The following LAMB4 variants were observed in gnomAD, a reference collection of about 807,000 sequenced individuals.
LAMB4 encodes laminin subunit beta-4.
Under a neutral mutation model 199.2 loss-of-function variants are expected in LAMB4, and 196 were observed. The ratio of observed to expected loss-of-function variants is 0.98; its 90% CI spans 0.88 to 1.11. LAMB4 has a LOEUF of 1.11. LAMB4 is among the 50% of genes least tolerant of loss of function. LAMB4 has a pLI of 0.00. For missense variants in LAMB4, 2,080 were observed against 2,171.2 expected (o/e 0.96, Z 0.83); for synonymous variants, 744 against 770.6 (o/e 0.97, Z 0.57).
chr7:108,055,675 A>G lies in LAMB4; in HGVS notation c.3712T>C (p.Ser1238Pro), dbSNP rs1394790873. 3.1e-6 allele frequency: 5 copies of G among 1,613,646 alleles called. No individual in the cohort carries two copies. The South Asian group carries it at 3.3e-5, about 11-fold the overall frequency. The change falls in exon 25 of 34, where the codon TCT (serine) becomes CCT (proline). Residue 1238 changes from serine (S) to proline (P), a missense_variant. By Grantham distance (74) the Ser-to-Pro change is moderately conservative. Transcript: ENST00000388781. ...ERILKHPVFP[S>P]GKFLKVKDYH... ...TCCTTGACTTTTAAGAATTTCCCAGATGGGAAAACAGGATGTTTCAAAATC... is the reference window on the plus strand; with the variant it reads ...TCCTTGACTTTTAAGAATTTCCCAGGTGGGAAAACAGGATGTTTCAAAATC...
chr7:108,048,094 T>C lies in LAMB4; in HGVS notation c.4140A>G (p.Gly1380=), dbSNP rs2035697151. 6.2e-7 allele frequency: 1 copy of C among 1,613,090 alleles called. No homozygotes were observed. The highest frequency in any genetic ancestry group is 8.5e-7 in the Non-Finnish European group (1 of 1,179,852). The change falls in exon 28 of 34, where the codon GGA becomes GGG. Residue 1380 remains glycine (G), a synonymous_variant. Coordinates refer to ENST00000388781, the MANE Select transcript of LAMB4 (RefSeq NM_007356.3). ...AGGGCAAGGGCACACATGGCACATT[T>C]CCTGGATCTCCGCACACCTTGCAAG... The part of the protein sequence containing the change: ...ILNEKVCGDP[G]NVPCVPLPCG...
chr7:108,057,618 A>G (rs1176970942), intron 24 of LAMB4, among the ~76,000 whole-genome samples: 2 of 152,226 alleles, frequency 1.3e-5, no homozygotes, highest in African/African-American at 2.4e-5. Flanking sequence ...GAATTTTAAT[A>G]TAGGCTAAAT....
At chr7:108,068,416 C>T (rs182587248) in intron 18 of LAMB4, among the ~76,000 whole-genome samples, 110 of 152,320 alleles carry the variant, frequency 7.2e-4, no homozygotes, top group African/African-American at 1.7e-3. Flanking sequence ...AGTTAACAGA[C>T]TTAAAATTGG....
chr7:108,046,030 T>TTA (rs2035607940), intron 28 of LAMB4, among the ~76,000 whole-genome samples: 1 of 152,062 alleles, frequency 6.6e-6, no homozygotes, highest in African/African-American at 2.4e-5. Flanking sequence ...CCAGATGTCC[T>TTA]TACATATATT....
At chr7:108,044,006 A>C (rs1373455987) in intron 28 of LAMB4, 110 bp from the exon 29 acceptor site, 1 of 872,298 alleles carries the variant, frequency 1.1e-6, no homozygotes, top group Middle Eastern at 2.7e-4. Context: ...ACTAAAAACT[A>C]AATAAAAGTC....
chr7:108,056,133 A>C, intron 24 of LAMB4, 126 bp from the exon 25 acceptor site: 1 of 816,726 alleles, frequency 1.2e-6, no homozygotes, highest in East Asian at 2.6e-5. Flanking sequence ...TGAATATTTA[A>C]AGCCAATATA....
chr7:108,092,264 T>A, intron 13 of LAMB4, 73 bp downstream of exon 13: 2 of 1,152,854 alleles, frequency 1.7e-6, no homozygotes, highest in Non-Finnish European at 2.6e-6. Flanking sequence ...CACCTATGAC[T>A]ATGAGCGTAT....
At chr7:108,052,586 T>G (rs191178186) in intron 25 of LAMB4, among the ~76,000 whole-genome samples, 125 of 152,300 alleles carry the variant, frequency 8.2e-4, no homozygotes, top group African/African-American at 2.9e-3. Flanking sequence ...TCAGACATGC[T>G]TCAATTAAAT....
At chr7:108,074,220 G>A (rs1417800205) in intron 17 of LAMB4, among the ~76,000 whole-genome samples, 1 of 152,060 alleles carries the variant, frequency 6.6e-6, no homozygotes, top group Non-Finnish European at 1.5e-5. Flanking sequence ...TAGGGAATCT[G>A]ACCTAAAACA....
intron 21 of LAMB4, 51 bp from the exon 22 acceptor site, chr7:108,064,036 G>T: frequency 7.8e-7 from 1 of 1,286,104 alleles, no homozygotes; most frequent in Non-Finnish European, 1.1e-6. Flanking sequence ...AGTGTTGGGA[G>T]AGAGGAGGAG....
At chr7:108,015,570 T>C in the LAMB4 span, among the ~76,000 whole-genome samples, 1 of 152,206 alleles carries the variant, frequency 6.6e-6, no homozygotes, top group African/African-American at 2.4e-5. Flanking sequence ...CATATACAAC[T>C]AGTGTTTCCA....
intron 14 of LAMB4, among the ~76,000 whole-genome samples, chr7:108,090,014 C>G (rs1464213332): frequency 6.6e-6 from 1 of 152,118 alleles, no homozygotes; most frequent in Admixed American, 6.5e-5. Context: ...CCAGTCTCCC[C>G]CAACCCCACT....
chr7:108,066,547 C>T lies in LAMB4; in HGVS notation c.2500G>A (p.Gly834Arg). 6.2e-7 allele frequency: 1 copy of T among 1,613,698 alleles called. No homozygotes were observed. Among genetic ancestry groups the T allele is most frequent in the South Asian group, 1.1e-5 (1 of 90,952 alleles). Residue 834 changes from glycine (G) to arginine (R), a missense_variant, in exon 20 of 34, where the codon GGA becomes AGA. Physicochemically the swap from Gly to Arg is moderately radical, Grantham distance 125. Transcript: ENST00000388781. ...ACCTCTCCATGGCAGGGGCACTGTC[C>T]TGTTACTTGGTCACATACAGTGTCC... ...SKDTVCDQVTGQCPCHGEVSG... is the reference protein window; with the variant it reads ...SKDTVCDQVTRQCPCHGEVSG...
chr7:108,102,607 C>T (rs2037853025), intron 10 of LAMB4, among the ~76,000 whole-genome samples: 1 of 152,084 alleles, frequency 6.6e-6, no homozygotes, highest in South Asian at 2.1e-4. Context: ...TTTGTACATG[C>T]TTGAAATATT....
Position 108,066,147 on chromosome 7 carries a change from T to C in LAMB4, c.2678+222A>G, listed in dbSNP as rs557620655. On this transcript the variant is annotated intron_variant, in intron 20 of 33. Coordinates refer to ENST00000388781, the MANE Select transcript of LAMB4 (RefSeq NM_007356.3). The stretch of plus-strand genomic sequence containing the variant: ...ATTTACATGTCACATTTGAGGAACA[T>C]AGAAAGTAACATGCCAGGCAAATGT... 9.9e-5 allele frequency among the ~76,000 whole-genome samples: 15 copies of C among 152,256 alleles called. No individual in the cohort carries two copies. The South Asian group carries it at 1.9e-3, about 19-fold the overall frequency.
rs772838269 is a variant in LAMB4 at position 108,078,197 on chromosome 7, A to G, written c.2003+4T>C. On this transcript the variant is annotated splice_donor_region_variant and intron_variant, in intron 16 of 33. Transcript: ENST00000388781. ...CAATGTTTGAGGACCGGTCTGAAAC[A>G]TACCTCGTAGCCGCTGGTAAGGCAA... The G allele has an allele frequency of 6.3e-7, 1 of 1,582,622 alleles. No homozygotes were observed. The highest frequency in any genetic ancestry group is 8.6e-7 in the Non-Finnish European group (1 of 1,156,972).
chr7:108,080,314 C>T (rs546386640), intron 14 of LAMB4, among the ~76,000 whole-genome samples: 4 of 152,164 alleles, frequency 2.6e-5, no homozygotes, highest in Non-Finnish European at 5.9e-5. Flanking sequence ...GAATCCCTGA[C>T]GGTCTCTATA....
At position 108,104,598 on chromosome 7, in the gene LAMB4, G is replaced by A; in HGVS notation, c.892C>T (p.Gln298Ter). ...CAGTTCGGACCATCTGTATTGTGCT[G>A]ACACACACACTGACCGTGAACCTGC... ...PGMVHGQCVC[Q>*]HNTDGPNCER... The change falls in exon 9 of 34, where the codon CAG becomes TAG. Residue 298 changes from glutamine (Q) to a stop codon, truncating the protein, a stop_gained. Coordinates refer to ENST00000388781, the MANE Select transcript of LAMB4 (RefSeq NM_007356.3). LOFTEE classifies it high-confidence loss of function. The A allele has an allele frequency of 6.2e-7, 1 of 1,614,048 alleles. No individual in the cohort carries two copies. The highest frequency in any genetic ancestry group is 8.5e-7 in the Non-Finnish European group (1 of 1,179,980).
chr7:108,047,253 T>C (rs2035659159), intron 28 of LAMB4, among the ~76,000 whole-genome samples: 1 of 152,092 alleles, frequency 6.6e-6, no homozygotes, highest in African/African-American at 2.4e-5. Context: ...CCCACTTATA[T>C]ACAAATTTTT....
Sources: allele counts gnomAD v4.1 joint callset (sites outside exome capture counted in the v4.1 genomes callset), GRCh38; gene constraint gnomAD v4.1.1; transcripts MANE v1.5; gene names NCBI Gene and HGNC (gene_info 2026-07-23, HGNC 2026-07-21).